RBFOX1: variants seen among roughly 807,000 people sequenced by gnomAD.
RBFOX1 encodes the protein RNA binding fox-1 homolog 1.
A neutral mutation model predicts 57.7 loss-of-function variants in RBFOX1; 8 were observed. The ratio of observed to expected loss-of-function variants is 0.14; its 90% confidence interval spans 0.08 to 0.25. The LOEUF is 0.25. Among genes scored for constraint, RBFOX1 ranks in the 10% least tolerant of loss-of-function variants. RBFOX1 has a pLI of 1.00. For synonymous variants in RBFOX1, 326 were observed against 222.4 expected (o/e 1.47, Z -4.15); for missense variants, 611 against 548.5 (o/e 1.11, Z -1.14).
chr16:5,669,469 G>C (rs1405342475), intron 3 of RBFOX1, among the ~76,000 whole-genome samples: 1 of 138,974 alleles, frequency 7.2e-6, no homozygotes, highest in African/African-American at 2.7e-5. Context: ...TGTTAGGCTG[G>C]AGTGCAGTGG....
intron 3 of RBFOX1, among the ~76,000 whole-genome samples, chr16:6,830,856 TATTC>T (rs909581585): frequency 6.6e-6 from 1 of 152,188 alleles, no homozygotes; most frequent in African/African-American, 2.4e-5. Flanking sequence ...CTCATAAAAT[TATTC>T]AAGATAGTAA....
chr16:6,950,507 C>T (rs1404168867), intron 3 of RBFOX1, among the ~76,000 whole-genome samples: 2 of 152,148 alleles, frequency 1.3e-5, no homozygotes, highest in African/African-American at 4.8e-5. Flanking sequence ...TGGATTGAAG[C>T]TGAACAAATA....
intron 2 of RBFOX1, among the ~76,000 whole-genome samples, chr16:6,641,242 C>T (rs1471042165): frequency 6.6e-6 from 1 of 152,242 alleles, no homozygotes; most frequent in Non-Finnish European, 1.5e-5. Flanking sequence ...CAGGGCTTCC[C>T]CAGCCCTCAC....
At chr16:7,031,984 G>C (rs140163829) in intron 3 of RBFOX1, among the ~76,000 whole-genome samples, 1 of 152,130 alleles carries the variant, frequency 6.6e-6, no homozygotes, top group Admixed American at 6.6e-5. Context: ...ATTTGTTACT[G>C]AAGTTAGTAT....
intron 4 of RBFOX1, among the ~76,000 whole-genome samples, chr16:7,405,879 G>A (rs2098331646): frequency 6.6e-6 from 1 of 152,180 alleles, no homozygotes; most frequent in African/African-American, 2.4e-5. Flanking sequence ...TCAGGCAGTT[G>A]TGGCTCTGTG....
intron 4 of RBFOX1, among the ~76,000 whole-genome samples, chr16:7,491,821 A>G (rs1370772108): frequency 6.6e-6 from 1 of 152,084 alleles, no homozygotes; most frequent in Non-Finnish European, 1.5e-5. Context: ...ATTTAAAAAC[A>G]TGTCCTTGTA....
At chr16:6,763,134 T>G (rs149049704) in intron 3 of RBFOX1, among the ~76,000 whole-genome samples, 1 of 151,758 alleles carries the variant, frequency 6.6e-6, no homozygotes, top group Non-Finnish European at 1.5e-5. Context: ...CTAAAATGAG[T>G]TTTTTCAGGG....
At chr16:5,270,725 T>A in intron 1 of RBFOX1, 1 of 490,166 alleles carries the variant, frequency 2.0e-6, no homozygotes. Context: ...AAAGAAGTGG[T>A]CAATAAATTG....
intron 3 of RBFOX1, among the ~76,000 whole-genome samples, chr16:7,019,367 A>C (rs964289224): frequency 6.6e-6 from 1 of 152,028 alleles, no homozygotes; most frequent in Non-Finnish European, 1.5e-5. Context: ...TTTAGCTGAG[A>C]TTCATGGACT....
intron 4 of RBFOX1, among the ~76,000 whole-genome samples, chr16:7,237,210 G>A (rs1236477683): frequency 6.6e-6 from 1 of 152,164 alleles, no homozygotes; most frequent in African/African-American, 2.4e-5. Context: ...CCTGGCATCT[G>A]GGTTCTTGCC....
chr16:5,888,249 C>T (rs1027058857), intron 4 of RBFOX1, among the ~76,000 whole-genome samples: 2 of 152,156 alleles, frequency 1.3e-5, no homozygotes, highest in African/African-American at 4.8e-5. Flanking sequence ...TTGGCCAGGT[C>T]CTCTTCTTCC....
chr16:7,000,582 C>CTTTTT (rs1253270112), intron 3 of RBFOX1, among the ~76,000 whole-genome samples: 1 of 87,378 alleles, frequency 1.1e-5, no homozygotes, highest in African/African-American at 5.7e-5. Context: ...TTCTTTTTTT[C>CTTTTT]TTTCTTTTTC....
At chr16:5,908,120 A>T (rs2058510616) in intron 4 of RBFOX1, among the ~76,000 whole-genome samples, 1 of 138,618 alleles carries the variant, frequency 7.2e-6, no homozygotes, top group Admixed American at 7.0e-5. Flanking sequence ...ACACATATAT[A>T]CACATATATA....
At chr16:6,218,549 A>T (rs2097351141) in intron 1 of RBFOX1, among the ~76,000 whole-genome samples, 1 of 152,004 alleles carries the variant, frequency 6.6e-6, no homozygotes, top group African/African-American at 2.4e-5. Flanking sequence ...GCCTCAAGTG[A>T]TCCTCCCACC....
In RBFOX1 at chr16:7,420,080, T is replaced by C. The variant is rs2098525768; in HGVS notation, c.28-98067T>C. Among the ~76,000 whole-genome samples the C allele has an allele frequency of 2.0e-5, 3 of 152,160 alleles. No homozygotes were observed. In the South Asian group the frequency reaches 6.2e-4, roughly 32 times the overall value. On this transcript the variant is annotated intron_variant, in intron 4 of 15. Transcript: ENST00000550418. Reference sequence around the variant, plus strand: ...CTTTAAAGTAACAAATGAGGGTACATTTGTTGTCAGCCTTCCTGTTCAGCG... The same window carrying C: ...CTTTAAAGTAACAAATGAGGGTACACTTGTTGTCAGCCTTCCTGTTCAGCG...
chr16:6,886,361 C>A (rs1198365305), intron 3 of RBFOX1, among the ~76,000 whole-genome samples: 1 of 152,020 alleles, frequency 6.6e-6, no homozygotes, highest in African/African-American at 2.4e-5. Flanking sequence ...TGCGCCCGGC[C>A]CAGTGAAGCA....
intron 1 of RBFOX1, among the ~76,000 whole-genome samples, chr16:6,065,320 C>A (rs141376822): frequency 0.025 from 3,741 of 152,000 alleles, 67 homozygotes; most frequent in Non-Finnish European, 0.036. Context: ...CAGGTGTGAA[C>A]CACCGCACGC....
At chr16:7,430,669 A>AAT (rs1257449181) in intron 4 of RBFOX1, among the ~76,000 whole-genome samples, 1 of 151,572 alleles carries the variant, frequency 6.6e-6, no homozygotes, top group Non-Finnish European at 1.5e-5. Context: ...CAAAAAAAAA[A>AAT]AAAAAAGTAC....
chr16:6,934,254 C>T (rs1237423121), intron 3 of RBFOX1, among the ~76,000 whole-genome samples: 1 of 152,100 alleles, frequency 6.6e-6, no homozygotes, highest in Admixed American at 6.5e-5. Context: ...ACTGTGAAAG[C>T]AGCTCTTCAG....
Sources: allele counts gnomAD v4.1 joint callset (sites outside exome capture counted in the v4.1 genomes callset), GRCh38; gene constraint gnomAD v4.1.1; transcripts MANE v1.5; gene names NCBI Gene and HGNC (gene_info 2026-07-23, HGNC 2026-07-21).